The following DIDO1 variants were observed in gnomAD, a reference collection of about 807,000 sequenced individuals.
The protein encoded by DIDO1 is death inducer-obliterator 1.
A neutral mutation model predicts 99.4 loss-of-function variants in DIDO1; 16 were observed. That is an observed-to-expected ratio of 0.16 (90% CI 0.11 to 0.24). The LOEUF is 0.24. Ranked by LOEUF, DIDO1 falls within the 10% of genes least tolerant of loss-of-function variation. The pLI is 1.00. For missense variants in DIDO1, 2,996 were observed against 3,014.0 expected, an observed-to-expected ratio of 0.99 and a Z score of 0.14; for synonymous variants, 1,366 against 1,239.1, an observed-to-expected ratio of 1.10 and a Z score of -2.15.
chr20:62,928,346 A>G (rs970883106), upstream of DIDO1, among the ~76,000 whole-genome samples: 2 of 152,324 alleles, frequency 1.3e-5, no homozygotes, highest in Admixed American at 1.3e-4. Context: ...CGCAGTGCTC[A>G]GCGATACGCA....
In DIDO1 at chr20:62,935,578, G is replaced by T. The variant is rs1336836289; in HGVS notation, c.-200+2218C>A. 2.0e-5 allele frequency among the ~76,000 whole-genome samples: 3 copies of T among 152,140 alleles called. No homozygotes were observed. In the East Asian group the frequency reaches 5.8e-4, roughly 29 times the overall value. ...GGAGGTGAGCAGGAGTTAGCCTAGG[G>T]AAGGCTGTTAGCTAGGGCCCAGACT... On this transcript the variant is annotated intron_variant, in intron 1 of 15. Coordinates refer to the DIDO1 transcript ENST00000266070.
intron 6 of DIDO1, among the ~76,000 whole-genome samples, chr20:62,904,779 T>C (rs2064761453): frequency 4.2e-5 from 1 of 24,028 alleles, no homozygotes; most frequent in African/African-American, 3.5e-4. Flanking sequence ...GACTCTTGTC[T>C]CAAAAAAAAA....
rs557860059 is a variant in DIDO1, at chr20:62,908,810, G to C, written c.1161+889C>G. ...GGAGATCGAGGCTGCAGTGAGCTGG[G>C]ACTGTGCCACCGAACTCCAGCCTGG... On this transcript the variant is annotated intron_variant, in intron 4 of 15. Transcript: ENST00000395343. Among the ~76,000 whole-genome samples, 8 of 152,312 alleles carry C rather than the reference G, an allele frequency of 5.3e-5. No homozygotes were observed. The East Asian group carries it at 1.5e-3, about 29-fold the overall frequency.
intron 1 of DIDO1, among the ~76,000 whole-genome samples, chr20:62,933,657 C>T (rs547249686): frequency 1.3e-5 from 2 of 152,242 alleles, no homozygotes; most frequent in South Asian, 2.1e-4. Flanking sequence ...ACTGCTTGCA[C>T]GCAGAAGTTT....
Position 62,894,739 on chromosome 20 carries a change from T to G in DIDO1, c.2436+71A>C. On this transcript the variant is annotated intron_variant, in intron 10 of 15. Coordinates refer to ENST00000395343, the MANE Select transcript of DIDO1 (RefSeq NM_001193369.2). The surrounding 1 kb of genome is among the most constrained non-coding windows in gnomAD (Gnocchi z 4.4). ...TAAGCTCAGGTCCTGCCCAATAATT[T>G]AAGATAACCTCAAAACATTTGGGAT... is the stretch of plus-strand genomic sequence containing the variant. 2.0e-6 allele frequency: 3 copies of G among 1,519,516 alleles called. No individual in the cohort carries two copies. Among genetic ancestry groups the G allele is most frequent in the Non-Finnish European group, 2.7e-6 (3 of 1,118,584 alleles). The allele number at this position is 1,519,516 out of a possible 1,614,324, so 94.1% of individuals were successfully genotyped here.
In DIDO1 at chr20:62,894,072, C is replaced by T; in HGVS notation, c.2695G>A (p.Ala899Thr). The change falls in exon 12 of 16, where the codon GCT (alanine) becomes ACT (threonine). Residue 899 changes from alanine (A) to threonine (T), a missense_variant. Physicochemically the swap from Ala to Thr is moderately conservative, Grantham distance 58. Transcript: ENST00000395343. This position sits in a 1 kb window ranked among gnomAD's most constrained non-coding sequence, Gnocchi z 4.4. ...ACAGCCTCCGGCATCACCTCATCAG[C>T]TGAATCCGGAGCTGGGTCAGGTGCA... is the stretch of plus-strand genomic sequence containing the variant. The part of the protein sequence containing the change: ...SSAPDPAPDS[A>T]DEVMPEAVPE... The T allele has an allele frequency of 6.2e-7, 1 of 1,614,258 alleles. No homozygotes were observed. The highest frequency in any genetic ancestry group is 2.2e-5 in the East Asian group (1 of 44,894).
Position 62,911,329 on chromosome 20 carries a change from T to C in DIDO1, c.284A>G (p.Asp95Gly). The C allele has an allele frequency of 6.2e-7, 1 of 1,608,296 alleles. No homozygotes were observed. The highest frequency in any genetic ancestry group is 1.1e-5 in the South Asian group (1 of 91,038). ...GGGGCAGGACGTGGGCTCACCAGAATCCTCCAGGGAGACAGGCATGCTCCT... is the reference window on the plus strand; with the variant it reads ...GGGGCAGGACGTGGGCTCACCAGAACCCTCCAGGGAGACAGGCATGCTCCT... ...GRRSMPVSLE[D>G]SGEPTSCPAT... The change falls in exon 3 of 16, where the codon GAT becomes GGT. Residue 95 changes from aspartate to glycine, a missense_variant. Physicochemically the swap from Asp to Gly is moderately conservative, Grantham distance 94 (BLOSUM62 -1). Transcript: ENST00000395343. This position sits in a 1 kb window ranked among gnomAD's most constrained non-coding sequence, Gnocchi z 7.0.
Position 62,882,105 on chromosome 20 carries a change from G to T in DIDO1, c.3851C>A (p.Pro1284His), listed in dbSNP as rs762160593. 2.5e-6 allele frequency: 4 copies of T among 1,613,378 alleles called. No individual in the cohort carries two copies. Residue 1284 changes from proline (P) to histidine (H), a missense_variant, in exon 16 of 16, where the codon CCC (proline) becomes CAC (histidine). By Grantham distance (77) the Pro-to-His change is moderately conservative. Coordinates refer to ENST00000395343, the MANE Select transcript of DIDO1 (RefSeq NM_001193369.2). ...TGTTGTGGCTGCTGTGGCTGGGCTG[G>T]GGGCTGCAGGTTTGAGGGATGACAG... ...KVLSSLKPAA[P>H]SPATAATTAA...
At position 62,879,624 on chromosome 20, in the gene DIDO1, T is replaced by A. The variant is rs1405748681; in HGVS notation, c.6332A>T (p.Glu2111Val). ...EEPDAQGRAS[E>V]DRRRERERGR... is the part of the protein sequence containing the mutation. ...GCGCTCGCGCTCTCTCCTCCTGTCC[T>A]CGGACGCCCGGCCCTGGGCGTCGGG... The change falls in exon 16 of 16, where the codon GAG (glutamate) becomes GTG (valine). Residue 2111 changes from glutamate (E) to valine (V), a missense_variant. Physicochemically the swap from Glu to Val is moderately radical, Grantham distance 121. Around this residue, in one of 5 missense-constraint regions of DIDO1, gnomAD observed 1,562 missense variants for 1,412.6 expected, o/e 1.11. Coordinates refer to ENST00000395343, the MANE Select transcript of DIDO1 (RefSeq NM_001193369.2). This position sits in a 1 kb window ranked among gnomAD's most constrained non-coding sequence, Gnocchi z 6.3. The A allele has an allele frequency of 1.9e-6, 3 of 1,605,332 alleles. No homozygotes were observed. The highest frequency in any genetic ancestry group is 2.5e-6 in the Non-Finnish European group (3 of 1,179,734).
intron 4 of DIDO1, among the ~76,000 whole-genome samples, chr20:62,908,965 G>T (rs985127411): frequency 2.0e-5 from 3 of 152,258 alleles, no homozygotes; most frequent in Non-Finnish European, 4.4e-5. Flanking sequence ...TGTGGCCTCT[G>T]ATAGCAGCGC....
At chr20:62,889,226 C>T in intron 15 of DIDO1, 2 of 985,612 alleles carry the variant, frequency 2.0e-6, no homozygotes, top group Non-Finnish European at 2.4e-6. Flanking sequence ...TTTCCCTCTG[C>T]CCCGGGGCTG....
intron 1 of DIDO1, among the ~76,000 whole-genome samples, chr20:62,923,087 G>C (rs1245142439): frequency 6.6e-6 from 1 of 152,194 alleles, no homozygotes; most frequent in South Asian, 2.1e-4. Flanking sequence ...CTACAGCCTG[G>C]AACTCCTGGC....
intron 15 of DIDO1, chr20:62,888,455 GGGTCCTGCA>G: frequency 2.0e-6 from 2 of 985,496 alleles, no homozygotes; most frequent in Non-Finnish European, 2.4e-6. Context: ...GAATGGAGCT[GGGTCCTGCA>G]GACCCTCACC....
chr20:62,881,084 C>A lies in DIDO1; in HGVS notation c.4872G>T (p.Lys1624Asn). The A allele has an allele frequency of 1.2e-6, 2 of 1,601,986 alleles. No individual in the cohort carries two copies. The highest frequency in any genetic ancestry group is 1.7e-6 in the Non-Finnish European group (2 of 1,177,398). The change falls in exon 16 of 16, where the codon AAG (lysine) becomes AAT (asparagine). Residue 1624 changes from lysine (K) to asparagine (N), a missense_variant. Physicochemically the swap from Lys to Asn is moderately conservative, Grantham distance 94. Around this residue, in one of 5 missense-constraint regions of DIDO1, gnomAD observed 1,562 missense variants for 1,412.6 expected, o/e 1.11. Transcript: ENST00000395343. This position sits in a 1 kb window ranked among gnomAD's most constrained non-coding sequence, Gnocchi z 8.3. ...CGTCCTGCTCGGACCCCGCTGGGGG[C>A]TTTTCGCCCGAAGCCCAGGGGGAAG... Reference protein sequence around the residue: ...PASSPWASGEKPPAGSEQDGW... With the variant: ...PASSPWASGENPPAGSEQDGW...
At chr20:62,887,326 G>A (rs570454903) in intron 15 of DIDO1, 1 of 985,464 alleles carries the variant, frequency 1.0e-6, no homozygotes, top group African/African-American at 1.7e-5. Context: ...ATACACACAT[G>A]AAAACTGAAG....
chr20:62,879,756 G>A lies in DIDO1; in HGVS notation c.6200C>T (p.Ser2067Leu). 1 of 1,611,602 alleles carries A rather than the reference G, an allele frequency of 6.2e-7. No homozygotes were observed. The highest frequency in any genetic ancestry group is 8.5e-7 in the Non-Finnish European group (1 of 1,179,774). The change falls in exon 16 of 16, where the codon TCG becomes TTG. Residue 2067 changes from serine to leucine, a missense_variant. Physicochemically the swap from Ser to Leu is moderately radical, Grantham distance 145 (BLOSUM62 -2). This residue lies in a region of DIDO1 where 1,562 missense variants were observed against 1,412.6 expected (regional missense o/e 1.11). Transcript: ENST00000395343. This position sits in a 1 kb window ranked among gnomAD's most constrained non-coding sequence, Gnocchi z 6.3. ...GCCTTTCCCCTCTCGGAAGTCGGCC[G>A]ATGCCCACTGTCCGTCGGCCTCGGG... ...QGPEADGQWA[S>L]ADFREGKGHE... is the part of the protein sequence containing the mutation.
In DIDO1 at chr20:62,896,719, C is replaced by T. The variant is rs753847733; in HGVS notation, c.1866G>A (p.Thr622=). ...AGCCAGGGAACTTCTTGGAGGCAGC[C>T]GTTGCCGCTGCAGGTGCCGGTCCGG... ...RQAGPAPAAA[T]AASKKFPGSA... The change falls in exon 7 of 16, where the codon ACG becomes ACA. Residue 622 remains threonine, a synonymous_variant. Coordinates refer to ENST00000395343, the MANE Select transcript of DIDO1 (RefSeq NM_001193369.2). This position sits in a 1 kb window ranked among gnomAD's most constrained non-coding sequence, Gnocchi z 4.4. The T allele has an allele frequency of 1.6e-5, 26 of 1,613,624 alleles. No homozygotes were observed. Among genetic ancestry groups the T allele is most frequent in the Middle Eastern group, 1.6e-4 (1 of 6,082 alleles).
intron 15 of DIDO1, chr20:62,887,562 G>T (rs1303540229): frequency 5.1e-6 from 5 of 985,358 alleles, no homozygotes; most frequent in African/African-American, 3.5e-5. Context: ...CCATGTTTAT[G>T]GACCGAGGTT....
chr20:62,891,791 T>C (rs972735532), intron 14 of DIDO1, among the ~76,000 whole-genome samples, 196 bp downstream of exon 14: 2 of 151,910 alleles, frequency 1.3e-5, no homozygotes, highest in African/African-American at 2.4e-5. Flanking sequence ...AGTCTTGCTA[T>C]GTCTCCCAGG....
Sources: gnomAD v4.1 joint callset for allele counts (sites outside exome capture counted in the v4.1 genomes callset) on GRCh38, gnomAD v4.1.1 for gene constraint, gnomAD v4.1.1 regional missense constraint, Gnocchi (gnomAD v3.1) non-coding constraint, MANE v1.5 for transcripts, NCBI Gene and HGNC (gene_info 2026-07-23, HGNC 2026-07-21) for gene names.